CACNA2D2: variants seen among roughly 807,000 people sequenced by gnomAD.
The protein encoded by CACNA2D2 is calcium voltage-gated channel auxiliary subunit alpha2delta 2.
A neutral mutation model predicts 166.4 loss-of-function variants in CACNA2D2; 48 were observed. The observed-to-expected ratio is 0.29, with a 90% CI of 0.23 to 0.37. The LOEUF is 0.37. Among genes scored for constraint, CACNA2D2 ranks in the 10% least tolerant of loss-of-function variants. CACNA2D2 has a pLI of 1.00. For missense variants in CACNA2D2, 1,122 were observed against 1,433.0 expected (o/e 0.78, Z 3.50); for synonymous variants, 561 against 573.7 (o/e 0.98, Z 0.32).
Position 50,365,612 on chromosome 3 carries a change from C to T in CACNA2D2, c.2971+21G>A. On this transcript the variant is annotated intron_variant, in intron 34 of 37. Transcript: ENST00000424201. This position sits in a 1 kb window ranked among gnomAD's most constrained non-coding sequence, Gnocchi z 4.5. ...GATTGGGGACCCGGACTTGAGGAGGCGCCTCCAAAGCCCTACCTACCTGCT... is the reference window on the plus strand; with the variant it reads ...GATTGGGGACCCGGACTTGAGGAGGTGCCTCCAAAGCCCTACCTACCTGCT... The T allele has an allele frequency of 6.4e-7, 1 of 1,572,432 alleles. No individual in the cohort carries two copies.
chr3:50,420,295 G>A (rs1462220392), intron 3 of CACNA2D2, among the ~76,000 whole-genome samples: 1 of 152,206 alleles, frequency 6.6e-6, no homozygotes, highest in Admixed American at 6.5e-5. Context: ...CTGCCCGGCT[G>A]GGGTCCATCA....
At chr3:50,408,583 G>T (rs1413742641) in intron 3 of CACNA2D2, among the ~76,000 whole-genome samples, 1 of 152,254 alleles carries the variant, frequency 6.6e-6, no homozygotes, top group Non-Finnish European at 1.5e-5. Context: ...TCGACACTTG[G>T]TTATTACGAG....
chr3:50,424,166 G>A (rs1025486930), intron 3 of CACNA2D2, among the ~76,000 whole-genome samples: 3 of 152,200 alleles, frequency 2.0e-5, no homozygotes, highest in Non-Finnish European at 4.4e-5. Context: ...CAGGGTGTGT[G>A]AGGGCTTTGC....
chr3:50,414,106 C>T (rs1707159285), intron 3 of CACNA2D2, among the ~76,000 whole-genome samples: 1 of 152,126 alleles, frequency 6.6e-6, no homozygotes, highest in Non-Finnish European at 1.5e-5. Context: ...TAGAACCATA[C>T]CTCTGAGGCC....
chr3:50,476,929 C>CTTTTT (rs61469495), intron 1 of CACNA2D2, among the ~76,000 whole-genome samples: 3 of 135,240 alleles, frequency 2.2e-5, no homozygotes, highest in Non-Finnish European at 3.2e-5. Context: ...GTTTCTTTTT[C>CTTTTT]TTTTTTTTTT....
chr3:50,500,937 G>A (rs949507829), intron 1 of CACNA2D2, among the ~76,000 whole-genome samples: 1 of 152,172 alleles, frequency 6.6e-6, no homozygotes, highest in Non-Finnish European at 1.5e-5. Flanking sequence ...AAATCCAGCA[G>A]CTTGTGAAGC....
chr3:50,494,678 ATTTATTTATTT>A (rs1553757341), intron 1 of CACNA2D2, among the ~76,000 whole-genome samples: 4 of 151,892 alleles, frequency 2.6e-5, no homozygotes, highest in Non-Finnish European at 5.9e-5. Flanking sequence ...TTTATTTATT[ATTTATTTATTT>A]ATAAATGACA....
chr3:50,379,946 C>G lies in CACNA2D2; in HGVS notation c.893+22G>C. The G allele has an allele frequency of 6.2e-7, 1 of 1,614,060 alleles. No homozygotes were observed. Among genetic ancestry groups the G allele is most frequent in the Non-Finnish European group, 8.5e-7 (1 of 1,180,038 alleles). On this transcript the variant is annotated intron_variant, in intron 9 of 37. Coordinates refer to ENST00000424201, the MANE Select transcript of CACNA2D2 (RefSeq NM_006030.4). The surrounding 1 kb of genome is among the most constrained non-coding windows in gnomAD (Gnocchi z 6.5). ...ATTGCCCGTCCCTGCCCCAGCCCCA[C>G]TTGCCAGCACTGCTCACTCACACAT... is the stretch of plus-strand genomic sequence containing the variant.
chr3:50,365,602 C>T lies in CACNA2D2; in HGVS notation c.2971+31G>A. ...TCTTAGCTCAGATTGGGGACCCGGA[C>T]TTGAGGAGGCGCCTCCAAAGCCCTA... On this transcript the variant is annotated intron_variant, in intron 34 of 37. Transcript: ENST00000424201. The surrounding 1 kb of genome is among the most constrained non-coding windows in gnomAD (Gnocchi z 4.5). 6.4e-7 allele frequency: 1 copy of T among 1,572,914 alleles called. No individual in the cohort carries two copies. Among genetic ancestry groups the T allele is most frequent in the Non-Finnish European group, 8.6e-7 (1 of 1,158,754 alleles).
At chr3:50,429,239 T>C (rs768750150) in intron 3 of CACNA2D2, among the ~76,000 whole-genome samples, 5 of 151,926 alleles carry the variant, frequency 3.3e-5, no homozygotes, top group Non-Finnish European at 7.4e-5. Context: ...CCTAAATAAA[T>C]AAACCCTGGT....
At chr3:50,453,876 T>A (rs1709222400) in intron 2 of CACNA2D2, among the ~76,000 whole-genome samples, 1 of 151,702 alleles carries the variant, frequency 6.6e-6, no homozygotes, top group African/African-American at 2.4e-5. Context: ...GGAGCCCCGG[T>A]TTGGAGTGGT....
chr3:50,377,317 G>C, intron 17 of CACNA2D2, 150 bp downstream of exon 17: 1 of 642,346 alleles, frequency 1.6e-6, no homozygotes, highest in South Asian at 1.9e-5. Context: ...CCTTGTTCTA[G>C]ACCCAAGGTC....
At chr3:50,500,376 AGAG>A (rs550696116) in intron 1 of CACNA2D2, among the ~76,000 whole-genome samples, 27 of 152,282 alleles carry the variant, frequency 1.8e-4, no homozygotes, top group African/African-American at 5.8e-4. Context: ...AGGACTCCAC[AGAG>A]GAGGGGACAG....
At chr3:50,447,378 A>G (rs1483918845) in intron 2 of CACNA2D2, among the ~76,000 whole-genome samples, 1 of 152,044 alleles carries the variant, frequency 6.6e-6, no homozygotes, top group East Asian at 1.9e-4. Flanking sequence ...TCTGTCGGCA[A>G]CCTCCAGCAG....
chr3:50,486,298 A>C (rs920231029), intron 1 of CACNA2D2, among the ~76,000 whole-genome samples: 7 of 152,194 alleles, frequency 4.6e-5, no homozygotes, highest in Non-Finnish European at 8.8e-5. Context: ...CAGGAGCTGA[A>C]GCTGGACTAG....
intron 2 of CACNA2D2, among the ~76,000 whole-genome samples, chr3:50,443,134 G>A (rs561921418): frequency 1.3e-5 from 2 of 152,348 alleles, no homozygotes; most frequent in South Asian, 2.1e-4. Context: ...CAGCTGGCAC[G>A]GGGGAGTGCG....
chr3:50,443,718 C>T (rs1708713598), intron 2 of CACNA2D2, among the ~76,000 whole-genome samples: 1 of 152,258 alleles, frequency 6.6e-6, no homozygotes, highest in African/African-American at 2.4e-5. Context: ...GCTGCCTTGC[C>T]ATCTGGCCTC....
intron 2 of CACNA2D2, among the ~76,000 whole-genome samples, chr3:50,471,621 A>C (rs1710100230): frequency 6.6e-6 from 1 of 152,110 alleles, no homozygotes; most frequent in African/African-American, 2.4e-5. Flanking sequence ...GTGAGTGTGC[A>C]TGTGTTTCAG....
intron 2 of CACNA2D2, among the ~76,000 whole-genome samples, chr3:50,467,359 C>G (rs998113197): frequency 2.0e-5 from 3 of 152,216 alleles, no homozygotes; most frequent in Non-Finnish European, 4.4e-5. Flanking sequence ...TCAGTCAACC[C>G]TGATGCACTA....
Sources: gnomAD v4.1 joint callset for allele counts (sites outside exome capture counted in the v4.1 genomes callset) on GRCh38, gnomAD v4.1.1 for gene constraint, Gnocchi (gnomAD v3.1) non-coding constraint, MANE v1.5 for transcripts, NCBI Gene and HGNC (gene_info 2026-07-23, HGNC 2026-07-21) for gene names.